CTNNBL1: variants seen among roughly 807,000 people sequenced by gnomAD.
CTNNBL1 encodes beta-catenin-like protein 1.
CTNNBL1 carries 31 observed loss-of-function variants against 72.7 expected under a neutral mutation model. The observed-to-expected ratio is 0.43, with a 90% CI of 0.32 to 0.58. The LOEUF (loss-of-function observed/expected upper bound fraction) is 0.58, where lower values mean the gene tolerates loss of function less well. CTNNBL1 is among the 20% of genes least tolerant of loss of function. CTNNBL1 has a pLI of 0.08. For synonymous variants in CTNNBL1, 240 were observed against 267.3 expected (o/e 0.90, Z 1.00); for missense variants, 534 against 725.1 (o/e 0.74, Z 3.03).
chr20:37,732,841 G>A, intron 1 of CTNNBL1, 38 bp from the exon 2 acceptor site: 1 of 1,596,906 alleles, frequency 6.3e-7, no homozygotes. Context: ...CTTCTATGTT[G>A]TATCCAGCTC....
At position 37,777,688 on chromosome 20, in the gene CTNNBL1, C is replaced by A. The variant is rs762103059; in HGVS notation, c.858C>A (p.Ile286=). 2 of 1,613,682 alleles carry A rather than the reference C, an allele frequency of 1.2e-6. No individual in the cohort carries two copies. The highest frequency in any genetic ancestry group is 4.5e-5 in the East Asian group (2 of 44,870). ...NRELLGELDG[I]DVLLQQLSVF... ...AATTGCTTGGGGAGCTGGATGGAAT[C>A]GATGTGCTTCTTCAGCAGTTATCCG... Residue 286 remains isoleucine (I), a synonymous_variant, in exon 9 of 16, where the codon ATC becomes ATA. Transcript: ENST00000361383.
intron 11 of CTNNBL1, among the ~76,000 whole-genome samples, chr20:37,824,995 T>G (rs1199008214): frequency 6.6e-6 from 1 of 152,204 alleles, no homozygotes; most frequent in Non-Finnish European, 1.5e-5. Context: ...GGGAGGTTGT[T>G]GTGTATGTGC....
At chr20:37,842,493 C>T in intron 13 of CTNNBL1, 74 bp downstream of exon 13, 1 of 977,170 alleles carries the variant, frequency 1.0e-6, no homozygotes, top group South Asian at 1.3e-5. Context: ...CCTCCCATCA[C>T]CCCACAGGAT....
At chr20:37,821,096 T>C (rs1233767455) in intron 11 of CTNNBL1, among the ~76,000 whole-genome samples, 1 of 152,204 alleles carries the variant, frequency 6.6e-6, no homozygotes, top group African/African-American at 2.4e-5. Context: ...CATCTTGACA[T>C]TGGATGCATC....
intron 12 of CTNNBL1, 96 bp from the exon 13 acceptor site, chr20:37,842,243 G>A: frequency 1.2e-6 from 1 of 853,108 alleles, no homozygotes; most frequent in Non-Finnish European, 2.0e-6. Flanking sequence ...GTCTCCCTTT[G>A]TAAGGGAGCG....
At chr20:37,864,821 C>T (rs1464748858) in intron 15 of CTNNBL1, among the ~76,000 whole-genome samples, 1 of 62,168 alleles carries the variant, frequency 1.6e-5, no homozygotes, top group Non-Finnish European at 3.3e-5. Flanking sequence ...TGAGGTGGTG[C>T]TGTAGGCTTC....
chr20:37,848,071 T>C (rs926950406), intron 13 of CTNNBL1, among the ~76,000 whole-genome samples: 3 of 151,920 alleles, frequency 2.0e-5, no homozygotes, highest in Non-Finnish European at 1.5e-5. Context: ...TCTGCTAACT[T>C]GCTGGAAGAT....
At chr20:37,724,920 T>TC (rs1280230263) in intron 1 of CTNNBL1, among the ~76,000 whole-genome samples, 1 of 150,776 alleles carries the variant, frequency 6.6e-6, no homozygotes, top group Non-Finnish European at 1.5e-5. Context: ...TTTTTTTTTT[T>TC]TTTTTTTTTG....
chr20:37,737,530 G>A (rs756651943), intron 3 of CTNNBL1, 46 bp downstream of exon 3: 62 of 1,338,374 alleles, frequency 4.6e-5, no homozygotes, highest in Middle Eastern at 3.7e-4. Context: ...GTGGCGTTTC[G>A]TTGGCTAATT....
chr20:37,704,678 T>C (rs1430420694), intron 1 of CTNNBL1, among the ~76,000 whole-genome samples: 1 of 151,506 alleles, frequency 6.6e-6, no homozygotes, highest in Non-Finnish European at 1.5e-5. Context: ...ACCACTGCAC[T>C]CCAGCCTGGA....
chr20:37,750,857 C>G (rs2073313331), intron 4 of CTNNBL1: 1 of 152,096 alleles, frequency 6.6e-6, no homozygotes, highest in Admixed American at 6.5e-5. Context: ...AATTACCACC[C>G]TCCCCCACCA....
intron 13 of CTNNBL1, among the ~76,000 whole-genome samples, chr20:37,857,868 A>G (rs2072456853): frequency 6.6e-6 from 1 of 152,224 alleles, no homozygotes; most frequent in East Asian, 1.9e-4. Context: ...CCCCACACCG[A>G]GTTCTCACTC....
intron 1 of CTNNBL1, among the ~76,000 whole-genome samples, chr20:37,713,225 G>A (rs185353493): frequency 2.4e-3 from 359 of 152,346 alleles, no homozygotes; most frequent in Middle Eastern, 0.01. Flanking sequence ...GACATGACTT[G>A]TGCCAGTGGT....
At chr20:37,775,013 C>T (rs947057599) in intron 7 of CTNNBL1, among the ~76,000 whole-genome samples, 1 of 151,786 alleles carries the variant, frequency 6.6e-6, no homozygotes, top group African/African-American at 2.4e-5. Flanking sequence ...GTCATAGATT[C>T]CCATTGTCAG....
At chr20:37,866,193 C>A (rs1321500382) in intron 15 of CTNNBL1, among the ~76,000 whole-genome samples, 2 of 152,216 alleles carry the variant, frequency 1.3e-5, no homozygotes, top group African/African-American at 4.8e-5. Context: ...AAGGACACCT[C>A]AAGAGCTTTT....
chr20:37,771,911 C>T (rs914619781), intron 7 of CTNNBL1, among the ~76,000 whole-genome samples: 1 of 152,050 alleles, frequency 6.6e-6, no homozygotes, highest in Non-Finnish European at 1.5e-5. Context: ...CTTCATGCCC[C>T]CTTTCCATAG....
chr20:37,826,429 T>G (rs1204635386), intron 11 of CTNNBL1, among the ~76,000 whole-genome samples: 1 of 152,214 alleles, frequency 6.6e-6, no homozygotes, highest in Admixed American at 6.5e-5. Flanking sequence ...TCATCACAAC[T>G]GAAAGATGAG....
chr20:37,842,558 C>A, intron 13 of CTNNBL1, 139 bp downstream of exon 13: 1 of 668,880 alleles, frequency 1.5e-6, no homozygotes, highest in South Asian at 1.8e-5. Flanking sequence ...AGATGATGGT[C>A]TGCCAAGTGG....
At chr20:37,779,590 A>G (rs1385522563) in intron 10 of CTNNBL1, among the ~76,000 whole-genome samples, 1 of 152,120 alleles carries the variant, frequency 6.6e-6, no homozygotes, top group Non-Finnish European at 1.5e-5. Flanking sequence ...CGTCCACTCC[A>G]TTGAAGGACA....
Sources: gnomAD v4.1 joint callset for allele counts (sites outside exome capture counted in the v4.1 genomes callset) on GRCh38, gnomAD v4.1.1 for gene constraint, MANE v1.5 for transcripts, NCBI Gene and HGNC (gene_info 2026-07-23, HGNC 2026-07-21) for gene names.